Variants in C2orf49 observed in about 807,000 individuals in gnomAD.
C2orf49 encodes tRNA splicing ligase complex subunit 2.
C2orf49 carries 11 observed loss-of-function variants against 20.6 expected under a neutral mutation model. That is an observed-to-expected ratio of 0.53 (90% CI 0.34 to 0.88). The LOEUF (loss-of-function observed/expected upper bound fraction) is 0.88, where lower values mean the gene tolerates loss of function less well. C2orf49 is among the 40% of genes least tolerant of loss of function. The pLI, the probability that C2orf49 is intolerant of heterozygous loss-of-function variation, is 0.02. For missense variants in C2orf49, 289 were observed against 274.2 expected (o/e 1.05, Z -0.38); for synonymous variants, 134 against 108.5 (o/e 1.24, Z -1.46).
downstream of C2orf49, among the ~76,000 whole-genome samples, chr2:105,350,440 T>G (rs1273314380): frequency 6.6e-6 from 1 of 152,174 alleles, no homozygotes; most frequent in Non-Finnish European, 1.5e-5. Context: ...TGGAAGCTGT[T>G]TGTTAACTCT....
At chr2:105,340,088 G>A (rs1280399205) in intron 2 of C2orf49, among the ~76,000 whole-genome samples, 1 of 152,170 alleles carries the variant, frequency 6.6e-6, no homozygotes, top group African/African-American at 2.4e-5. Flanking sequence ...AACAAGCTAG[G>A]ATTCCAGGCA....
In C2orf49 at chr2:105,339,588, C is replaced by T; in HGVS notation, c.105C>T (p.Asn35=). ...TTTTGTTTCCTTTCCCGCAGAAGAA[C>T]ATAGCTGTTGAAACTGATGTAAGAG... ...EFLLLTLEQK[N]IAVETDVRVN... Residue 35 remains asparagine (N), a synonymous_variant, in exon 2 of 4, where the codon AAC becomes AAT. Transcript: ENST00000258457. 7 of 1,584,192 alleles carry T rather than the reference C, an allele frequency of 4.4e-6. No homozygotes were observed. The highest frequency in any genetic ancestry group is 6.0e-6 in the Non-Finnish European group (7 of 1,172,676).
the C2orf49 span, among the ~76,000 whole-genome samples, chr2:105,371,984 G>T: frequency 6.6e-6 from 1 of 152,224 alleles, no homozygotes; most frequent in Admixed American, 6.5e-5. Flanking sequence ...CTTAGAAGAG[G>T]CCTTCTTGCC....
At position 105,337,705 on chromosome 2, in the gene C2orf49, GAGGGT is replaced by G; in HGVS notation, c.99+20_99+24del. On this transcript the variant is annotated intron_variant, in intron 1 of 3. Transcript: ENST00000258457. ...GGAGCAGGTTGGGCGCGCCGGATCG[GAGGGT>G]GGGCGGGTGGGCCTTCCCAGGTGAG... 2.1e-6 allele frequency: 1 copy of G among 480,098 alleles called. No homozygotes were observed. The highest frequency in any genetic ancestry group is 3.7e-6 in the Non-Finnish European group (1 of 270,152). The allele number at this position is 480,098 out of a possible 1,614,324, so 29.7% of individuals were successfully genotyped here.
intron 3 of C2orf49, among the ~76,000 whole-genome samples, chr2:105,344,113 G>A (rs1313155515): frequency 1.3e-5 from 2 of 152,014 alleles, no homozygotes; most frequent in South Asian, 2.1e-4. Context: ...AGGCATCTTC[G>A]TTATTCCTAT....
the C2orf49 span, among the ~76,000 whole-genome samples, chr2:105,374,954 C>T: frequency 2.0e-5 from 3 of 152,128 alleles, no homozygotes; most frequent in Admixed American, 1.3e-4. Flanking sequence ...GGGCTGTTCA[C>T]GCGATGGCCC....
chr2:105,340,144 A>T lies in C2orf49; in HGVS notation c.266+395A>T, dbSNP rs867472401. On this transcript the variant is annotated intron_variant, in intron 2 of 3. Transcript: ENST00000258457. The stretch of plus-strand genomic sequence containing the variant: ...GGAATGTGCCCATCATATACCAGGA[A>T]CAACAAAGCAGCTATCAGGGCTGGA... Among the ~76,000 whole-genome samples, 50 of 152,326 alleles carry T rather than the reference A, an allele frequency of 3.3e-4. 1 individual carries two copies. Among genetic ancestry groups the T allele is most frequent in the South Asian group, 6.2e-4 (3 of 4,830 alleles).
chr2:105,337,650 G>T lies in C2orf49; in HGVS notation c.63G>T (p.Leu21=), dbSNP rs1484048818. ...TDSELLLHPE[L]LSQEFLLLTL... ...CGGAACTGCTGCTGCACCCGGAGCT[G>T]CTGTCCCAGGAGTTCCTTCTCCTCA... is the stretch of plus-strand genomic sequence containing the variant. Residue 21 remains leucine, a synonymous_variant, in exon 1 of 4, where the codon CTG becomes CTT. Coordinates refer to ENST00000258457, the MANE Select transcript of C2orf49 (RefSeq NM_024093.3). 9 of 1,598,450 alleles carry T rather than the reference G, an allele frequency of 5.6e-6. No homozygotes were observed. In the South Asian group the frequency reaches 9.9e-5, roughly 18 times the overall value.
chr2:105,367,823 C>T, the C2orf49 span: 1 of 1,415,098 alleles, frequency 7.1e-7, no homozygotes, highest in South Asian at 1.4e-5. Flanking sequence ...GAGCTTGCTG[C>T]CCTCTAGTTT....
chr2:105,348,233 C>T lies in C2orf49; in HGVS notation c.*2862C>T, dbSNP rs1679862512. ...GTGAATTCTGGAAAGTCTCAGGTCC[C>T]TACCAGGGCACTGAATGGCTTCTCA... is the stretch of plus-strand genomic sequence containing the variant. On this transcript the variant is annotated 3_prime_UTR_variant, in exon 4 of 4. Transcript: ENST00000258457. The T allele has an allele frequency of 1.3e-5, 2 of 152,108 alleles. No homozygotes were observed. The highest frequency in any genetic ancestry group is 1.3e-4 in the Admixed American group (2 of 15,278). The allele number at this position is 152,108 out of a possible 1,614,324, so 9.4% of individuals were successfully genotyped here. A position where few individuals can be genotyped will look rare whatever the true frequency, so the allele number is the denominator to read the frequency against.
At chr2:105,352,695 C>T (rs563763263), downstream of C2orf49, among the ~76,000 whole-genome samples, 2 of 152,112 alleles carry the variant, frequency 1.3e-5, no homozygotes, top group African/African-American at 2.4e-5. Flanking sequence ...CTGCCCGTCT[C>T]GGCCTCCCAA....
chr2:105,365,319 C>T, the C2orf49 span, among the ~76,000 whole-genome samples: 1 of 152,286 alleles, frequency 6.6e-6, no homozygotes, highest in East Asian at 1.9e-4. Context: ...AGCATCAGAT[C>T]CCCAGTGCCT....
chr2:105,374,338 G>T, the C2orf49 span: 5,855 of 156,364 alleles, frequency 0.037, 332 homozygotes, highest in African/African-American at 0.13. Flanking sequence ...GGGACGGGGG[G>T]CATGTCAGAT....
chr2:105,342,757 T>G (rs1337185611), intron 2 of C2orf49, 91 bp from the exon 3 acceptor site: 1 of 1,360,184 alleles, frequency 7.4e-7, no homozygotes, highest in Non-Finnish European at 1.0e-6. Flanking sequence ...CAGAAAATCT[T>G]TTTGTTTACT....
At chr2:105,358,884 A>G in the C2orf49 span, 159 of 152,178 alleles carry the variant, frequency 1.0e-3, no homozygotes, top group African/African-American at 3.7e-3. Context: ...TCTCCTTTTC[A>G]GGATTTTCTT....
chr2:105,342,055 C>T (rs1417632586), intron 2 of C2orf49, among the ~76,000 whole-genome samples: 1 of 152,156 alleles, frequency 6.6e-6, no homozygotes, highest in African/African-American at 2.4e-5. Context: ...CACCTGTATC[C>T]CAGCTATTCG....
At chr2:105,361,261 C>A in the C2orf49 span, 1 of 1,599,082 alleles carries the variant, frequency 6.3e-7, no homozygotes, top group Non-Finnish European at 8.5e-7. Context: ...AGATCACAAG[C>A]AGCAACTTCT....
At chr2:105,367,707 A>G in the C2orf49 span, 1 of 1,614,082 alleles carries the variant, frequency 6.2e-7, no homozygotes, top group African/African-American at 1.3e-5. Flanking sequence ...GTCTCATGCC[A>G]GCTGCTGCCC....
the C2orf49 span, among the ~76,000 whole-genome samples, chr2:105,356,532 G>A: frequency 6.6e-6 from 1 of 152,128 alleles, no homozygotes; most frequent in Non-Finnish European, 1.5e-5. Flanking sequence ...CTGTGATCAT[G>A]CCACTGCACT....
Sources: allele counts gnomAD v4.1 joint callset (sites outside exome capture counted in the v4.1 genomes callset), GRCh38; gene constraint gnomAD v4.1.1; transcripts MANE v1.5; gene names NCBI Gene and HGNC (gene_info 2026-07-23, HGNC 2026-07-21).